DOP1B: variants seen among roughly 807,000 people sequenced by gnomAD.
DOP1B encodes protein DOP1B.
Under a neutral mutation model 233.5 loss-of-function variants are expected in DOP1B, and 174 were observed. The observed-to-expected ratio is 0.75, with a 90% CI of 0.66 to 0.85. DOP1B has a LOEUF of 0.85. Ranked by LOEUF, DOP1B falls within the 40% of genes least tolerant of loss-of-function variation. The pLI is 0.00. For synonymous variants in DOP1B, 1,190 were observed against 1,185.6 expected, an observed-to-expected ratio of 1.00 and a Z score of -0.08; for missense variants, 2,652 against 2,846.6, an observed-to-expected ratio of 0.93 and a Z score of 1.56.
At chr21:36,200,047 C>T (rs1260476630) in intron 3 of DOP1B, among the ~76,000 whole-genome samples, 1 of 152,156 alleles carries the variant, frequency 6.6e-6, no homozygotes, top group African/African-American at 2.4e-5. Context: ...GTTAACAGTC[C>T]CACCAACAGT....
intron 24 of DOP1B, chr21:36,261,953 C>T: frequency 1.0e-6 from 1 of 984,636 alleles, no homozygotes; most frequent in Non-Finnish European, 1.2e-6. Flanking sequence ...TAGACCACTT[C>T]TCAGGGAAGC....
chr21:36,246,014 A>T lies in DOP1B; in HGVS notation c.4034A>T (p.Gln1345Leu), dbSNP rs748484979. 3 of 1,613,568 alleles carry T rather than the reference A, an allele frequency of 1.9e-6. No individual in the cohort carries two copies. Among genetic ancestry groups the T allele is most frequent in the Non-Finnish European group, 1.7e-6 (2 of 1,179,958 alleles). Residue 1345 changes from glutamine (Q) to leucine (L), a missense_variant, in exon 19 of 37, where the codon CAG becomes CTG. Physicochemically the swap from Gln to Leu is moderately radical, Grantham distance 113. Transcript: ENST00000691173. This position sits in a 1 kb window ranked among gnomAD's most constrained non-coding sequence, Gnocchi z 5.1. ...GACATTCTCGGCAACCGGGACGTGCAGGTCAAAAGTGTCGAGGTTTTGATC... is the reference window on the plus strand; with the variant it reads ...GACATTCTCGGCAACCGGGACGTGCTGGTCAAAAGTGTCGAGGTTTTGATC... ...HRDILGNRDV[Q>L]VKSVEVLIRI...
intron 1 of DOP1B, among the ~76,000 whole-genome samples, chr21:36,162,177 G>C (rs1378832944): frequency 6.6e-6 from 1 of 152,160 alleles, no homozygotes; most frequent in Non-Finnish European, 1.5e-5. Flanking sequence ...GAACAGCCAG[G>C]CTCCCTTGGG....
intron 4 of DOP1B, 88 bp downstream of exon 4, chr21:36,200,589 A>G: frequency 4.1e-6 from 6 of 1,457,166 alleles, no homozygotes; most frequent in Non-Finnish European, 5.4e-6. Flanking sequence ...CACGCCTGTA[A>G]TCCCAGCACT....
chr21:36,284,602 C>T (rs2067461750), intron 32 of DOP1B, among the ~76,000 whole-genome samples: 1 of 151,972 alleles, frequency 6.6e-6, no homozygotes, highest in African/African-American at 2.4e-5. Context: ...TCACACTCCT[C>T]TCAAATTTGG....
chr21:36,278,102 A>G lies in DOP1B; in HGVS notation c.5822+18A>G. ...AACCACAGGTAACGTCATCTTCGCCATTTCTTCCCACCCATATGCAGAAAA... is the reference window on the plus strand; with the variant it reads ...AACCACAGGTAACGTCATCTTCGCCGTTTCTTCCCACCCATATGCAGAAAA... On this transcript the variant is annotated intron_variant, in intron 29 of 36. Coordinates refer to ENST00000691173, the MANE Select transcript of DOP1B (RefSeq NM_001320714.2). 6.2e-7 allele frequency: 1 copy of G among 1,613,476 alleles called. No homozygotes were observed. The highest frequency in any genetic ancestry group is 8.5e-7 in the Non-Finnish European group (1 of 1,179,464).
chr21:36,284,272 T>TC (rs892420121), intron 32 of DOP1B, among the ~76,000 whole-genome samples: 4 of 125,570 alleles, frequency 3.2e-5, no homozygotes, highest in African/African-American at 1.3e-4. Flanking sequence ...TTTCTTTTTT[T>TC]TTTTTTTTTT....
chr21:36,180,451 G>C (rs1245427375), intron 2 of DOP1B, among the ~76,000 whole-genome samples: 1 of 151,884 alleles, frequency 6.6e-6, no homozygotes, highest in African/African-American at 2.4e-5. Flanking sequence ...ACACCTGTTA[G>C]TCCTAGCTAC....
At chr21:36,218,590 C>T (rs182380456) in intron 9 of DOP1B, among the ~76,000 whole-genome samples, 78 of 152,252 alleles carry the variant, frequency 5.1e-4, no homozygotes, top group African/African-American at 1.8e-3. Context: ...AAATAATTCT[C>T]TCAGAGGCAC....
At chr21:36,249,834 G>A (rs2067012826) in intron 21 of DOP1B, among the ~76,000 whole-genome samples, 1 of 152,128 alleles carries the variant, frequency 6.6e-6, no homozygotes, top group Non-Finnish European at 1.5e-5. Flanking sequence ...TAGGTACCAC[G>A]GTGCGTTGTT....
chr21:36,188,196 A>G (rs2066187748), intron 2 of DOP1B, among the ~76,000 whole-genome samples: 1 of 152,136 alleles, frequency 6.6e-6, no homozygotes, highest in South Asian at 2.1e-4. Context: ...GGTAAATACA[A>G]CACAATGATA....
intron 24 of DOP1B, chr21:36,261,025 AAG>A (rs2067163607): frequency 1.8e-6 from 2 of 1,136,918 alleles, no homozygotes; most frequent in Admixed American, 9.6e-5. Flanking sequence ...GATACAGAAA[AAG>A]AAAAAAACCA....
Position 36,230,506 on chromosome 21 carries a change from C to G in DOP1B, c.1722C>G (p.Pro574=). 1.9e-6 allele frequency: 3 copies of G among 1,613,508 alleles called. No homozygotes were observed. Among genetic ancestry groups the G allele is most frequent in the Non-Finnish European group, 2.5e-6 (3 of 1,179,470 alleles). ...TTTTGGAAACAAAGGCAGTGATTCC[C>G]GGTGACGAAGATGCTTCGTTTCCCC... ...KIILETKAVI[P]GDEDASFPPL... Residue 574 remains proline (P), a synonymous_variant, in exon 14 of 37, where the codon CCC becomes CCG. Coordinates refer to ENST00000691173, the MANE Select transcript of DOP1B (RefSeq NM_001320714.2).
At chr21:36,276,016 T>G (rs903385409) in intron 27 of DOP1B, among the ~76,000 whole-genome samples, 1 of 151,842 alleles carries the variant, frequency 6.6e-6, no homozygotes, top group Non-Finnish European at 1.5e-5. Context: ...AACGGAGATT[T>G]GAGAAGCTGG....
chr21:36,214,442 G>T lies in DOP1B; in HGVS notation c.1015G>T (p.Gly339Cys). 6.2e-7 allele frequency: 1 copy of T among 1,610,168 alleles called. No homozygotes were observed. ...EKYSKDLLVE[G>C]LAEILHQKFI... Reference sequence around the variant, plus strand: ...ATATGTGGCTTTTTTTAAATAATAGGGTTTGGCTGAGATATTGCATCAGAA... The same window carrying T: ...ATATGTGGCTTTTTTTAAATAATAGTGTTTGGCTGAGATATTGCATCAGAA... Residue 339 changes from glycine (G) to cysteine (C), a missense_variant and splice_region_variant, in exon 9 of 37, where the codon GGT becomes TGT. Transcript: ENST00000691173.
At chr21:36,279,415 G>C (rs2067390212) in intron 30 of DOP1B, among the ~76,000 whole-genome samples, 1 of 152,092 alleles carries the variant, frequency 6.6e-6, no homozygotes, top group African/African-American at 2.4e-5. Flanking sequence ...ACGACCCTGG[G>C]CCCTGTCTCA....
chr21:36,265,504 C>T (rs538065438), intron 26 of DOP1B, among the ~76,000 whole-genome samples: 3 of 152,346 alleles, frequency 2.0e-5, no homozygotes, highest in East Asian at 1.9e-4. Context: ...GTTACAATGC[C>T]GATGCTGCAC....
intron 23 of DOP1B, among the ~76,000 whole-genome samples, chr21:36,258,988 T>C (rs1243049454): frequency 1.3e-5 from 2 of 150,420 alleles, no homozygotes; most frequent in East Asian, 3.9e-4. Flanking sequence ...TTTTTTTTTT[T>C]TTTTTGAGAC....
intron 15 of DOP1B, among the ~76,000 whole-genome samples, chr21:36,235,867 G>GT (rs1555893490): frequency 1.4e-5 from 2 of 147,834 alleles, no homozygotes; most frequent in African/African-American, 2.5e-5. Context: ...GGAAGTCGGG[G>GT]GGGGGGCGGT....
Sources: allele counts gnomAD v4.1 joint callset (sites outside exome capture counted in the v4.1 genomes callset), GRCh38; gene constraint gnomAD v4.1.1; non-coding constraint Gnocchi (gnomAD v3.1); transcripts MANE v1.5; gene names NCBI Gene and HGNC (gene_info 2026-07-23, HGNC 2026-07-21).